BRD3: variants seen among roughly 807,000 people sequenced by gnomAD.
The protein encoded by BRD3 is bromodomain containing 3.
A neutral mutation model predicts 66.8 loss-of-function variants in BRD3; 17 were observed. That is an observed-to-expected ratio of 0.25 (90% CI 0.17 to 0.38). BRD3 has a LOEUF of 0.38. BRD3 is among the 10% of genes least tolerant of loss of function. BRD3 has a pLI of 1.00. For missense variants in BRD3, 713 were observed against 956.1 expected, an observed-to-expected ratio of 0.75 and a Z score of 3.35; for synonymous variants, 421 against 393.2, an observed-to-expected ratio of 1.07 and a Z score of -0.84.
chr9:134,050,964 C>T (rs1411023985), intron 4 of BRD3, among the ~76,000 whole-genome samples: 1 of 152,218 alleles, frequency 6.6e-6, no homozygotes, highest in Non-Finnish European at 1.5e-5. Flanking sequence ...CTTAAGCCCC[C>T]AGCTTCTCCC....
chr9:134,032,949 C>T lies in BRD3; in HGVS notation c.*641G>A, dbSNP rs1018098153. ...GCATACACAGCCGCTCTGTTCCCTC[C>T]GAGGAGCTCCTGACATCACCACGAG... On this transcript the variant is annotated 3_prime_UTR_variant, in exon 12 of 12. Coordinates refer to ENST00000303407, the MANE Select transcript of BRD3 (RefSeq NM_007371.4). The T allele has an allele frequency of 1.8e-5, 7 of 393,152 alleles. No homozygotes were observed. The highest frequency in any genetic ancestry group is 3.6e-5 in the East Asian group (1 of 27,770). 24.4% of individuals were successfully genotyped at this position (393,152 alleles called of 1,614,324 possible). A position where few individuals can be genotyped will look rare whatever the true frequency, so the allele number is the denominator to read the frequency against.
At chr9:134,062,447 T>C (rs1830564052) in intron 1 of BRD3, among the ~76,000 whole-genome samples, 1 of 152,186 alleles carries the variant, frequency 6.6e-6, no homozygotes, top group South Asian at 2.1e-4. Context: ...CAGTGCCTTC[T>C]AGACCTAAGA....
At chr9:134,068,444 C>A (rs1830718198), upstream of BRD3, 1 of 150,234 alleles carries the variant, frequency 6.7e-6, no homozygotes, top group South Asian at 2.1e-4. Context: ...CCCGCGGGAG[C>A]CACCCTCGAA....
intron 9 of BRD3, 81 bp downstream of exon 9, chr9:134,039,953 A>G (rs1830004260): frequency 2.0e-6 from 3 of 1,503,328 alleles, no homozygotes; most frequent in South Asian, 2.5e-5. Context: ...CAAAGCCCCC[A>G]ATCCCAGCAC....
In BRD3 at chr9:134,036,296, A is replaced by G. The variant is rs1829910869; in HGVS notation, c.1672T>C (p.Ser558Pro). Residue 558 changes from serine to proline, a missense_variant, in exon 10 of 12, where the codon TCT (serine) becomes CCT (proline). Transcript: ENST00000303407. ...RQLKKGGKQASASYDSEEEEE... is the reference protein window; with the variant it reads ...RQLKKGGKQAPASYDSEEEEE... ...TCTTCCTCTGAGTCGTAGGAGGCAG[A>G]TGCCTGCTTGCCGCCTTTCTTCAGC... 2 of 1,608,330 alleles carry G rather than the reference A, an allele frequency of 1.2e-6. No homozygotes were observed. Among genetic ancestry groups the G allele is most frequent in the Admixed American group, 3.4e-5 (2 of 59,410 alleles).
intron 5 of BRD3, among the ~76,000 whole-genome samples, chr9:134,048,693 C>G (rs184977914): frequency 6.6e-6 from 1 of 152,170 alleles, no homozygotes; most frequent in Non-Finnish European, 1.5e-5. Flanking sequence ...CCCGCCCTCA[C>G]CTGGGCGAGG....
At chr9:134,049,683 G>A (rs570188470) in intron 5 of BRD3, among the ~76,000 whole-genome samples, 7 of 152,360 alleles carry the variant, frequency 4.6e-5, no homozygotes, top group African/African-American at 1.7e-4. Flanking sequence ...TACCTTGGGC[G>A]AGCCATTTAA....
chr9:134,036,010 A>G (rs1327072111), intron 10 of BRD3, 22 bp downstream of exon 10: 4 of 1,569,700 alleles, frequency 2.5e-6, no homozygotes, highest in Non-Finnish European at 3.5e-6. Flanking sequence ...TTCAAGCACC[A>G]CGCTCCACGC....
chr9:134,048,086 C>T lies in BRD3; in HGVS notation c.1083G>A (p.Val361=), dbSNP rs780600062. The change falls in exon 6 of 12, where the codon GTG becomes GTA. Residue 361 remains valine (V), a synonymous_variant. Coordinates refer to ENST00000303407, the MANE Select transcript of BRD3 (RefSeq NM_007371.4). ...GGCCTGCCGCGCGGCCACGTACTTTCACGGTGCTGAGGTCCATCGGGTGCT... is the reference window on the plus strand; with the variant it reads ...GGCCTGCCGCGCGGCCACGTACTTTTACGGTGCTGAGGTCCATCGGGTGCT... The part of the protein sequence containing the change: ...IIKHPMDLST[V]KRKMDGREYP... 4.2e-5 allele frequency: 66 copies of T among 1,563,556 alleles called. No individual in the cohort carries two copies. Among genetic ancestry groups the T allele is most frequent in the Non-Finnish European group, 5.5e-5 (63 of 1,152,802 alleles).
intron 1 of BRD3, among the ~76,000 whole-genome samples, chr9:134,060,621 C>CAA (rs1491215754): frequency 1.4e-5 from 2 of 148,092 alleles, no homozygotes; most frequent in Non-Finnish European, 3.0e-5. Flanking sequence ...CACACACACA[C>CAA]GATCTGGAAT....
At position 134,042,692 on chromosome 9, in the gene BRD3, T is replaced by C. The variant is rs550956821; in HGVS notation, c.1216-741A>G. Among the ~76,000 whole-genome samples, 17 of 133,324 alleles carry C rather than the reference T, an allele frequency of 1.3e-4. 1 individual carries two copies. In the East Asian group the frequency reaches 4.3e-3, roughly 34 times the overall value. The allele number at this position is 133,324 out of a possible 152,430, so 87.5% of individuals were successfully genotyped here. A position where few individuals can be genotyped will look rare whatever the true frequency, so the allele number is the denominator to read the frequency against. ...ACACATATATATACACACACACACA[T>C]ATACACACACATATATATACACATA... On this transcript the variant is annotated intron_variant, in intron 7 of 11. Transcript: ENST00000303407.
At position 134,044,962 on chromosome 9, in the gene BRD3, C is replaced by G. The variant is rs1157620871; in HGVS notation, c.1215+331G>C. 3.3e-5 allele frequency among the ~76,000 whole-genome samples: 5 copies of G among 152,168 alleles called. No individual in the cohort carries two copies. In the South Asian group the frequency reaches 6.2e-4, roughly 19 times the overall value. On this transcript the variant is annotated intron_variant, in intron 7 of 11. Coordinates refer to ENST00000303407, the MANE Select transcript of BRD3 (RefSeq NM_007371.4). The stretch of plus-strand genomic sequence containing the variant: ...GCCACAGAAGACTTGCTGGAAACTA[C>G]AGTCAGGGAAGCCGCAAGAGAAAGA...
chr9:134,043,217 C>T (rs1830098080), intron 7 of BRD3, among the ~76,000 whole-genome samples: 3 of 152,014 alleles, frequency 2.0e-5, no homozygotes, highest in Admixed American at 2.0e-4. Context: ...GTGATCCTCC[C>T]ACCCTGGCCT....
intron 3 of BRD3, among the ~76,000 whole-genome samples, 169 bp downstream of exon 3, chr9:134,052,137 C>T (rs1490859982): frequency 2.6e-5 from 4 of 152,158 alleles, no homozygotes; most frequent in Admixed American, 6.5e-5. Flanking sequence ...AAGTGATCCG[C>T]CGACCTCGGC....
At position 134,047,953 on chromosome 9, in the gene BRD3, G is replaced by A; in HGVS notation, c.1086+130C>T. The A allele has an allele frequency of 1.5e-6, 2 of 1,301,024 alleles. 1 individual carries two copies. Among genetic ancestry groups the A allele is most frequent in the South Asian group, 3.3e-5 (2 of 61,226 alleles). The allele number at this position is 1,301,024 out of a possible 1,614,324, so 80.6% of individuals were successfully genotyped here. On this transcript the variant is annotated intron_variant, in intron 6 of 11. Transcript: ENST00000303407. ...CAGCCGGCGCTGCGGGGGCCAGCCT[G>A]GAGGGTGCGCTTCTCCGGCAAGCGA... is the stretch of plus-strand genomic sequence containing the variant.
At chr9:134,064,364 C>T (rs992654805) in intron 1 of BRD3, among the ~76,000 whole-genome samples, 1 of 138,156 alleles carries the variant, frequency 7.2e-6, no homozygotes, top group African/African-American at 2.7e-5. Context: ...CCCATCTTTA[C>T]TAAAAAATTA....
chr9:134,041,930 C>A lies in BRD3; in HGVS notation c.1237G>T (p.Ala413Ser). The change falls in exon 8 of 12, where the codon GCC (alanine) becomes TCC (serine). Residue 413 changes from alanine (A) to serine (S), a missense_variant. This residue lies in a region of BRD3 where 418 missense variants were observed against 609.3 expected (regional missense o/e 0.69). Coordinates refer to ENST00000303407, the MANE Select transcript of BRD3 (RefSeq NM_007371.4). Reference protein sequence around the residue: ...KLQDVFEMRFAKMPDEPVEAP... With the variant: ...KLQDVFEMRFSKMPDEPVEAP... Reference sequence around the variant, plus strand: ...TCCACGGGCTCATCTGGCATCTTGGCAAACCTCATCTCAAACACGTCCTGC... The same window carrying A: ...TCCACGGGCTCATCTGGCATCTTGGAAAACCTCATCTCAAACACGTCCTGC... The A allele has an allele frequency of 6.3e-7, 1 of 1,594,892 alleles. No homozygotes were observed. The highest frequency in any genetic ancestry group is 8.6e-7 in the Non-Finnish European group (1 of 1,168,636).
At chr9:134,039,908 G>T (rs1365832543) in intron 9 of BRD3, 126 bp downstream of exon 9, 1 of 1,459,018 alleles carries the variant, frequency 6.9e-7, no homozygotes, top group African/African-American at 1.4e-5. Flanking sequence ...CTGTCTCCCT[G>T]CCCCCATCAC....
chr9:134,053,120 G>A (rs1830338551), intron 2 of BRD3, 145 bp downstream of exon 2: 6 of 909,384 alleles, frequency 6.6e-6, no homozygotes, highest in Non-Finnish European at 1.0e-5. Context: ...CCTCTGTGCT[G>A]TGGACTTCCT....
Sources: gnomAD v4.1 joint callset for allele counts (sites outside exome capture counted in the v4.1 genomes callset) on GRCh38, gnomAD v4.1.1 for gene constraint, gnomAD v4.1.1 regional missense constraint, MANE v1.5 for transcripts, NCBI Gene and HGNC (gene_info 2026-07-23, HGNC 2026-07-21) for gene names.